RANBP1: variants seen among roughly 807,000 people sequenced by gnomAD.
RANBP1 encodes the protein RAN binding protein 1.
RANBP1 carries 16 observed loss-of-function variants against 31.4 expected under a neutral mutation model. The ratio of observed to expected loss-of-function variants is 0.51; its 90% CI spans 0.34 to 0.77. The LOEUF (loss-of-function observed/expected upper bound fraction) is 0.77. RANBP1 is among the 30% of genes least tolerant of loss of function. The pLI is 0.01. For synonymous variants in RANBP1, 129 were observed against 140.5 expected, an observed-to-expected ratio of 0.92 and a Z score of 0.58; for missense variants, 265 against 362.0, an observed-to-expected ratio of 0.73 and a Z score of 2.17.
rs895867787 is a variant in RANBP1 at position 20,116,692 on chromosome 22, C to G, written c.246+262C>G. On this transcript the variant is annotated intron_variant, in intron 1 of 5. Transcript: ENST00000430524. ...CCCCCAAGCTTCCTTATGGGACACC[C>G]AGACCTCCGTCGGTGCACTCTGCAC... The G allele has an allele frequency of 2.0e-6, 3 of 1,479,444 alleles. No homozygotes were observed. The African/African-American group carries it at 4.2e-5, about 21-fold the overall frequency. The allele number at this position is 1,479,444 out of a possible 1,614,324, so 91.6% of individuals were successfully genotyped here. A position where few individuals can be genotyped will look rare whatever the true frequency, so the allele number is the denominator to read the frequency against.
rs763457333 is a variant in RANBP1, at chr22:20,125,387, C to T, written c.621C>T (p.Asp207=). The stretch of plus-strand genomic sequence containing the variant: ...GGAACACCCACGCTGACTTCGCCGA[C>T]GAGTGCCCCAAGCCAGAGCTGCTGG... The part of the protein sequence containing the change: ...WVWNTHADFA[D]ECPKPELLAI... The change falls in exon 4 of 6, where the codon GAC becomes GAT. Residue 207 remains aspartate (D), a synonymous_variant. Coordinates refer to ENST00000430524, the MANE Select transcript of RANBP1 (RefSeq NM_001278639.2). 30 of 1,611,424 alleles carry T rather than the reference C, an allele frequency of 1.9e-5. No homozygotes were observed. The East Asian group carries it at 2.5e-4, about 13-fold the overall frequency.
At chr22:20,118,561 T>TA (rs2050102293) in intron 1 of RANBP1, among the ~76,000 whole-genome samples, 1 of 152,270 alleles carries the variant, frequency 6.6e-6, no homozygotes, top group Non-Finnish European at 1.5e-5. Flanking sequence ...CTGAAAGAGT[T>TA]ACATTTTGCT....
At chr22:20,117,525 G>C in intron 1 of RANBP1, 1 of 1,337,866 alleles carries the variant, frequency 7.5e-7, no homozygotes, top group Non-Finnish European at 9.6e-7. Flanking sequence ...TGGGGCGGAG[G>C]GAAGAGCGGG....
intron 1 of RANBP1, chr22:20,117,257 G>A (rs1312935999): frequency 3.5e-6 from 2 of 571,570 alleles, no homozygotes; most frequent in Non-Finnish European, 5.4e-6. Flanking sequence ...TCATCGTCAC[G>A]CGCCGGATCC....
chr22:20,126,871 C>A, intron 5 of RANBP1, 81 bp from the exon 6 acceptor site: 1 of 1,521,176 alleles, frequency 6.6e-7, no homozygotes, highest in Non-Finnish European at 9.0e-7. Flanking sequence ...TGGGTGACGG[C>A]ACTTGGGACC....
chr22:20,118,089 C>G, intron 1 of RANBP1: 1 of 999,598 alleles, frequency 1.0e-6, no homozygotes. Flanking sequence ...GGAACCGCCA[C>G]TGGCCTCTGT....
intron 1 of RANBP1, chr22:20,117,847 T>G: frequency 9.9e-7 from 1 of 1,009,084 alleles, no homozygotes; most frequent in Non-Finnish European, 1.2e-6. Context: ...CCTGCGGAGT[T>G]GGGGCGTTTG....
rs746631237 is a variant in RANBP1, at chr22:20,116,174, T to G, written c.-11T>G. ...GGCTCACTCTCACCCTCCTGTCGCC[T>G]CCTCCTGGCCATGGGGTCGGCCTTG... is the stretch of plus-strand genomic sequence containing the variant. On this transcript the variant is annotated 5_prime_UTR_variant, in exon 1 of 6. Transcript: ENST00000430524. 6 of 1,613,074 alleles carry G rather than the reference T, an allele frequency of 3.7e-6. No homozygotes were observed. The highest frequency in any genetic ancestry group is 2.2e-5 in the East Asian group (1 of 44,870).
rs749756291 is a variant in RANBP1 at position 20,116,286 on chromosome 22, G to A, written c.102G>A (p.Leu34=). 1.2e-6 allele frequency: 2 copies of A among 1,612,972 alleles called. No homozygotes were observed. The highest frequency in any genetic ancestry group is 1.7e-6 in the Non-Finnish European group (2 of 1,180,030). Reference sequence around the variant, plus strand: ...GGGCCTTGTCCCTCTCTGCAGCGCTGCGGAATGTCACAAAGGCGCAGGGTG... The same window carrying A: ...GGGCCTTGTCCCTCTCTGCAGCGCTACGGAATGTCACAAAGGCGCAGGGTG... ...TRRALSLSAA[L]RNVTKAQGGC... is the part of the protein sequence containing the mutation. The change falls in exon 1 of 6, where the codon CTG becomes CTA. Residue 34 remains leucine (L), a synonymous_variant. Coordinates refer to ENST00000430524, the MANE Select transcript of RANBP1 (RefSeq NM_001278639.2).
intron 1 of RANBP1, chr22:20,117,024 C>G: frequency 7.4e-7 from 1 of 1,356,354 alleles, no homozygotes; most frequent in South Asian, 1.3e-5. Context: ...AGGGGAGGTG[C>G]TCACAGAGCC....
chr22:20,116,242 G>A lies in RANBP1; in HGVS notation c.58G>A (p.Ala20Thr), dbSNP rs760703455. ...RTLSGRPFQRAPCKTRRALSL... is the reference protein window; with the variant it reads ...RTLSGRPFQRTPCKTRRALSL... ...ACTGAGTGGGCGGCCTTTCCAGAGGGCACCATGCAAAACGCGCAGGGCCTT... is the reference window on the plus strand; with the variant it reads ...ACTGAGTGGGCGGCCTTTCCAGAGGACACCATGCAAAACGCGCAGGGCCTT... Residue 20 changes from alanine (A) to threonine (T), a missense_variant, in exon 1 of 6, where the codon GCA (alanine) becomes ACA (threonine). By Grantham distance (58) the Ala-to-Thr change is moderately conservative. Coordinates refer to ENST00000430524, the MANE Select transcript of RANBP1 (RefSeq NM_001278639.2). The A allele has an allele frequency of 1.5e-5, 24 of 1,612,824 alleles. No individual in the cohort carries two copies. In the Admixed American group the frequency reaches 3.3e-4, roughly 22 times the overall value.
chr22:20,119,182 T>C, intron 2 of RANBP1, 33 bp downstream of exon 2: 2 of 1,600,806 alleles, frequency 1.2e-6, no homozygotes, highest in South Asian at 1.1e-5. Context: ...AATAGGACTC[T>C]TTAAGGTTGA....
At position 20,116,183 on chromosome 22, in the gene RANBP1, C is replaced by T. The variant is rs1602522499; in HGVS notation, c.-2C>T. The T allele has an allele frequency of 6.2e-7, 1 of 1,613,102 alleles. No homozygotes were observed. The highest frequency in any genetic ancestry group is 8.5e-7 in the Non-Finnish European group (1 of 1,179,956). On this transcript the variant is annotated 5_prime_UTR_variant, in exon 1 of 6. Coordinates refer to ENST00000430524, the MANE Select transcript of RANBP1 (RefSeq NM_001278639.2). ...TCACCCTCCTGTCGCCTCCTCCTGGCCATGGGGTCGGCCTTGGGCCGGGCC... is the reference window on the plus strand; with the variant it reads ...TCACCCTCCTGTCGCCTCCTCCTGGTCATGGGGTCGGCCTTGGGCCGGGCC...
intron 5 of RANBP1, chr22:20,126,642 G>A (rs939004967): frequency 5.3e-6 from 8 of 1,516,664 alleles, no homozygotes; most frequent in East Asian, 2.6e-5. Flanking sequence ...GATGGTCCTC[G>A]GTTTGTCTCT....
chr22:20,126,876 G>A, intron 5 of RANBP1, 76 bp from the exon 6 acceptor site: 1 of 1,545,942 alleles, frequency 6.5e-7, no homozygotes, highest in Non-Finnish European at 8.9e-7. Flanking sequence ...GACGGCACTT[G>A]GGACCAGCCT....
intron 1 of RANBP1, chr22:20,117,358 T>A: frequency 8.2e-7 from 1 of 1,217,100 alleles, no homozygotes. Context: ...CTCCTCTGGC[T>A]GACGGGCGGG....
At chr22:20,120,388 C>T (rs2050147195) in intron 2 of RANBP1, among the ~76,000 whole-genome samples, 1 of 152,208 alleles carries the variant, frequency 6.6e-6, no homozygotes, top group South Asian at 2.1e-4. Context: ...TCCCTCACTG[C>T]CCATGTCGGG....
rs372566147 is a variant in RANBP1, at chr22:20,116,593, C to T, written c.246+163C>T. The T allele has an allele frequency of 4.3e-5, 66 of 1,552,052 alleles. No homozygotes were observed. The African/African-American group carries it at 7.0e-4, about 17-fold the overall frequency. ...GGCACTGCTGCTCTCCTGGCCACAG[C>T]TCTCCATGGGCTTCGGGCCCTGTGT... On this transcript the variant is annotated intron_variant, in intron 1 of 5. Transcript: ENST00000430524.
At chr22:20,117,738 C>T (rs1420488004) in intron 1 of RANBP1, 75 of 1,087,134 alleles carry the variant, frequency 6.9e-5, no homozygotes, top group Non-Finnish European at 8.4e-5. Context: ...CGTGGGCGGC[C>T]CGCGCCGCCG....
Sources: gnomAD v4.1 joint callset for allele counts (sites outside exome capture counted in the v4.1 genomes callset) on GRCh38, gnomAD v4.1.1 for gene constraint, MANE v1.5 for transcripts, NCBI Gene and HGNC (gene_info 2026-07-23, HGNC 2026-07-21) for gene names.